CSMD1: variants seen among roughly 807,000 people sequenced by gnomAD.
CSMD1 encodes CUB and Sushi multiple domains 1, also known as CUB and sushi domain-containing protein 1.
Under a neutral mutation model 417.5 loss-of-function variants are expected in CSMD1, and 213 were observed. The observed-to-expected ratio is 0.51, with a 90% CI of 0.46 to 0.57. The LOEUF (loss-of-function observed/expected upper bound fraction) is 0.57. Among genes scored for constraint, CSMD1 ranks in the 20% least tolerant of loss-of-function variants. The pLI is 0.00. For synonymous variants in CSMD1, 2,862 were observed against 1,736.8 expected (o/e 1.65, Z -16.11); for missense variants, 6,923 against 4,529.7 (o/e 1.53, Z -15.17).
intron 12 of CSMD1, among the ~76,000 whole-genome samples, chr8:3,456,014 G>A (rs978248187): frequency 4.6e-5 from 7 of 152,116 alleles, no homozygotes; most frequent in Non-Finnish European, 1.0e-4. Context: ...GCAATGGTGG[G>A]TGCCCCTCCC....
At chr8:3,230,341 C>G (rs1798760862) in intron 26 of CSMD1, 110 bp from the exon 27 acceptor site, 2 of 746,316 alleles carry the variant, frequency 2.7e-6, no homozygotes, top group Non-Finnish European at 2.1e-6. Context: ...CCTAATAAGT[C>G]ATTTGTCTAC....
chr8:4,273,252 G>A (rs866693269), intron 3 of CSMD1, among the ~76,000 whole-genome samples: 1 of 152,080 alleles, frequency 6.6e-6, no homozygotes, highest in Non-Finnish European at 1.5e-5. Context: ...AAAAGGCAAT[G>A]AGCATATTTG....
At chr8:4,402,150 G>C (rs1161368880) in intron 3 of CSMD1, among the ~76,000 whole-genome samples, 1 of 152,078 alleles carries the variant, frequency 6.6e-6, no homozygotes, top group South Asian at 2.1e-4. Flanking sequence ...TATGGTCAGA[G>C]ACCAGCCCTA....
At chr8:4,600,015 G>T (rs1241038834) in intron 2 of CSMD1, among the ~76,000 whole-genome samples, 1 of 152,146 alleles carries the variant, frequency 6.6e-6, no homozygotes, top group Non-Finnish European at 1.5e-5. Flanking sequence ...AAAGTCTAGG[G>T]TTGGTTACCG....
intron 1 of CSMD1, among the ~76,000 whole-genome samples, chr8:4,721,007 A>G (rs934579160): frequency 6.6e-6 from 1 of 152,206 alleles, no homozygotes. Flanking sequence ...GAATTTAAAT[A>G]AACAGTTAAT....
intron 2 of CSMD1, among the ~76,000 whole-genome samples, chr8:4,611,517 C>G (rs1047755511): frequency 6.6e-6 from 1 of 152,124 alleles, no homozygotes; most frequent in Non-Finnish European, 1.5e-5. Context: ...ATAAAACTAT[C>G]GCAATTTATT....
chr8:3,880,278 C>T (rs1458380038), intron 5 of CSMD1, among the ~76,000 whole-genome samples: 1 of 152,160 alleles, frequency 6.6e-6, no homozygotes, highest in Non-Finnish European at 1.5e-5. Context: ...AATTCTCTTG[C>T]TCTACATGCT....
chr8:3,267,145 C>T (rs1044593386), intron 26 of CSMD1, among the ~76,000 whole-genome samples: 3 of 152,054 alleles, frequency 2.0e-5, no homozygotes, highest in African/African-American at 7.2e-5. Context: ...CCGCGGCAGC[C>T]AGCGGGAATG....
At chr8:4,200,360 A>AT (rs1452022924) in intron 3 of CSMD1, among the ~76,000 whole-genome samples, 2 of 152,118 alleles carry the variant, frequency 1.3e-5, no homozygotes, top group Non-Finnish European at 2.9e-5. Flanking sequence ...GCAAAGCATG[A>AT]TTTTTTAAAA....
intron 26 of CSMD1, chr8:3,279,066 C>G (rs1052507247): frequency 3.3e-5 from 5 of 152,194 alleles, no homozygotes; most frequent in African/African-American, 7.2e-5. Context: ...CCGATTCTCA[C>G]TGGTTCCCAG....
At chr8:4,947,959 T>C (rs530221966) in intron 1 of CSMD1, among the ~76,000 whole-genome samples, 3 of 152,168 alleles carry the variant, frequency 2.0e-5, no homozygotes, top group African/African-American at 7.2e-5. Context: ...TATTGTTTTC[T>C]TTTTTTAAGA....
chr8:4,020,180 A>C (rs1260048063), intron 4 of CSMD1, among the ~76,000 whole-genome samples: 1 of 152,150 alleles, frequency 6.6e-6, no homozygotes, highest in African/African-American at 2.4e-5. Flanking sequence ...TTTCTCAAGT[A>C]GGCACTTTTA....
chr8:4,882,249 G>C (rs1445531825), intron 1 of CSMD1, among the ~76,000 whole-genome samples: 2 of 151,806 alleles, frequency 1.3e-5, no homozygotes, highest in Non-Finnish European at 2.9e-5. Flanking sequence ...CGTGCCCTGA[G>C]GGTGGATGTC....
chr8:4,049,945 C>G (rs1037722839), intron 3 of CSMD1, among the ~76,000 whole-genome samples: 1 of 152,150 alleles, frequency 6.6e-6, no homozygotes, highest in South Asian at 2.1e-4. Context: ...GTTTACGTGC[C>G]GTTCCTCTTT....
At chr8:4,523,476 G>T (rs929366065) in intron 2 of CSMD1, among the ~76,000 whole-genome samples, 1 of 152,104 alleles carries the variant, frequency 6.6e-6, no homozygotes, top group South Asian at 2.1e-4. Context: ...AAACACATAT[G>T]TTATGATAAG....
chr8:4,888,104 T>A (rs1218120372), intron 1 of CSMD1, among the ~76,000 whole-genome samples: 1 of 152,022 alleles, frequency 6.6e-6, no homozygotes, highest in Non-Finnish European at 1.5e-5. Flanking sequence ...TGTACACTCT[T>A]AATTATAAAA....
intron 3 of CSMD1, among the ~76,000 whole-genome samples, chr8:4,134,252 T>C (rs558732626): frequency 3.9e-5 from 6 of 152,342 alleles, no homozygotes; most frequent in Admixed American, 3.9e-4. Flanking sequence ...GCTGATATAT[T>C]AAATGCCATT....
chr8:3,656,329 A>G (rs79793430), intron 7 of CSMD1, among the ~76,000 whole-genome samples: 7,773 of 152,304 alleles, frequency 0.051, 259 homozygotes, highest in South Asian at 0.086. Flanking sequence ...GTATAGCACT[A>G]CTTTCCTAGA....
chr8:3,143,287 C>T (rs7830791), intron 40 of CSMD1, among the ~76,000 whole-genome samples: 6,252 of 152,120 alleles, frequency 0.041, 434 homozygotes, highest in African/African-American at 0.14. Context: ...GTTTAGCAAG[C>T]GGTCATTTTC....
Sources: allele counts gnomAD v4.1 joint callset (sites outside exome capture counted in the v4.1 genomes callset), GRCh38; gene constraint gnomAD v4.1.1; transcripts MANE v1.5; gene names NCBI Gene and HGNC (gene_info 2026-07-23, HGNC 2026-07-21).